The following EXOC4 variants were observed in gnomAD, a reference collection of about 807,000 sequenced individuals.
EXOC4 encodes the protein exocyst complex component 4, also known as SEC8-like 1.
In EXOC4, 71 loss-of-function variants were observed where a neutral mutation model predicts 107.2. That is an observed-to-expected ratio of 0.66 (90% CI 0.55 to 0.81). EXOC4 has a LOEUF of 0.81. Among genes scored for constraint, EXOC4 ranks in the 30% least tolerant of loss-of-function variants. The pLI is 0.00. For synonymous variants in EXOC4, 456 were observed against 441.2 expected, an observed-to-expected ratio of 1.03 and a Z score of -0.42; for missense variants, 1,108 against 1,189.6, an observed-to-expected ratio of 0.93 and a Z score of 1.01.
chr7:133,405,692 A>G (rs915354459), intron 7 of EXOC4, among the ~76,000 whole-genome samples: 1 of 152,188 alleles, frequency 6.6e-6, no homozygotes, highest in Non-Finnish European at 1.5e-5. Context: ...TTTCCTATAC[A>G]TAACTATGAT....
rs12666470 is a variant in EXOC4 at position 133,641,689 on chromosome 7, C to A, written c.1514+11548C>A. 1.1e-3 allele frequency among the ~76,000 whole-genome samples: 173 copies of A among 152,280 alleles called. 3 individuals carry two copies. In the East Asian group the frequency reaches 0.029, roughly 26 times the overall value. On this transcript the variant is annotated intron_variant, in intron 10 of 17. Transcript: ENST00000253861. ...TGAAGGTGCTGGCATCCATCAATAT[C>A]TTTTTTGCATATTCTATTTAGTTTT...
At chr7:133,419,590 T>C (rs182633810) in intron 7 of EXOC4, among the ~76,000 whole-genome samples, 1 of 152,150 alleles carries the variant, frequency 6.6e-6, no homozygotes, top group Admixed American at 6.5e-5. Context: ...TGGGGAGCCA[T>C]GGAGGATATG....
chr7:133,278,931 T>G (rs1050645798), intron 2 of EXOC4, among the ~76,000 whole-genome samples: 5 of 152,090 alleles, frequency 3.3e-5, no homozygotes, highest in Admixed American at 3.3e-4. Context: ...AACTCGTCAT[T>G]TAGCATTAGG....
At chr7:133,635,051 A>T (rs533335998) in intron 10 of EXOC4, among the ~76,000 whole-genome samples, 10 of 152,234 alleles carry the variant, frequency 6.6e-5, no homozygotes, top group East Asian at 5.8e-4. Flanking sequence ...CAGAAGGAAG[A>T]TATGTTAATG....
intron 9 of EXOC4, among the ~76,000 whole-genome samples, chr7:133,488,011 A>G (rs1799303112): frequency 6.6e-6 from 1 of 152,200 alleles, no homozygotes; most frequent in Non-Finnish European, 1.5e-5. Flanking sequence ...TTTATGGCAT[A>G]TGGTAAAGAA....
intron 14 of EXOC4, among the ~76,000 whole-genome samples, chr7:133,975,749 A>G (rs762023654): frequency 1.6e-3 from 25 of 16,016 alleles, no homozygotes; most frequent in Admixed American, 0.014. Context: ...GCGTGTGCAC[A>G]CACACACACA....
intron 7 of EXOC4, among the ~76,000 whole-genome samples, chr7:133,404,094 T>G (rs2150735723): frequency 6.6e-6 from 1 of 152,252 alleles, no homozygotes; most frequent in African/African-American, 2.4e-5. Context: ...AAATCCCTCC[T>G]TAACTTTTTT....
chr7:133,943,040 A>C (rs1445501945), intron 14 of EXOC4, among the ~76,000 whole-genome samples: 2 of 152,196 alleles, frequency 1.3e-5, no homozygotes, highest in African/African-American at 4.8e-5. Flanking sequence ...ATTTAAATTT[A>C]AATTAATTAA....
At chr7:133,467,756 TTTTG>T (rs1554458341) in intron 7 of EXOC4, among the ~76,000 whole-genome samples, 33 of 152,110 alleles carry the variant, frequency 2.2e-4, no homozygotes, top group East Asian at 5.8e-4. Flanking sequence ...CTTCATTTTT[TTTTG>T]TTTGTTTGTT....
intron 17 of EXOC4, among the ~76,000 whole-genome samples, chr7:134,026,481 A>G (rs2116451781): frequency 9.4e-6 from 1 of 106,348 alleles, no homozygotes; most frequent in Admixed American, 1.2e-4. Context: ...CTAGAAGAAC[A>G]TTTTCTAGAG....
At chr7:133,853,566 G>T (rs953767401) in intron 11 of EXOC4, among the ~76,000 whole-genome samples, 12 of 152,048 alleles carry the variant, frequency 7.9e-5, no homozygotes, top group African/African-American at 2.7e-4. Context: ...ATCAGTTTTT[G>T]ACTATCGCCA....
intron 11 of EXOC4, among the ~76,000 whole-genome samples, chr7:133,885,491 G>C (rs1017809510): frequency 1.3e-5 from 2 of 152,154 alleles, no homozygotes; most frequent in Admixed American, 6.5e-5. Context: ...CAATATGCCA[G>C]ATACCTTGCA....
At chr7:133,396,315 C>T (rs1796970551) in intron 7 of EXOC4, 1 of 152,182 alleles carries the variant, frequency 6.6e-6, no homozygotes, top group Non-Finnish European at 1.5e-5. Context: ...TGGGCCAAAC[C>T]TTAAATATCT....
At chr7:134,050,953 TAGG>T (rs1408293544) in intron 17 of EXOC4, among the ~76,000 whole-genome samples, 1 of 152,042 alleles carries the variant, frequency 6.6e-6, no homozygotes, top group Non-Finnish European at 1.5e-5. Context: ...GAGAAGAGTG[TAGG>T]ATCTGTGATA....
chr7:133,288,803 T>G (rs1794338621), intron 2 of EXOC4, 119 bp from the exon 3 acceptor site: 2 of 748,650 alleles, frequency 2.7e-6, no homozygotes, highest in East Asian at 5.2e-5. Context: ...GGAGAATAAG[T>G]GGCAGTGGGA....
intron 9 of EXOC4, among the ~76,000 whole-genome samples, chr7:133,506,630 A>G (rs1163696001): frequency 2.0e-5 from 3 of 152,150 alleles, no homozygotes; most frequent in Non-Finnish European, 2.9e-5. Context: ...CTAAAATTTG[A>G]TAGACTACCA....
chr7:133,902,341 C>T (rs868130342), intron 12 of EXOC4, among the ~76,000 whole-genome samples: 2 of 152,116 alleles, frequency 1.3e-5, no homozygotes, highest in African/African-American at 4.8e-5. Flanking sequence ...ATCTCAATAA[C>T]CATTAACAAA....
At chr7:133,572,710 C>T (rs545366131) in intron 9 of EXOC4, among the ~76,000 whole-genome samples, 95 of 151,866 alleles carry the variant, frequency 6.3e-4, no homozygotes, top group Non-Finnish European at 1.1e-3. Flanking sequence ...ATTGAAGAGC[C>T]GTTGGCATTC....
At chr7:133,426,930 CTCTG>C (rs1253611163) in intron 7 of EXOC4, among the ~76,000 whole-genome samples, 1 of 152,102 alleles carries the variant, frequency 6.6e-6, no homozygotes. Flanking sequence ...GATCCATGGT[CTCTG>C]TCTTTTTCAT....
Sources: allele counts gnomAD v4.1 joint callset (sites outside exome capture counted in the v4.1 genomes callset), GRCh38; gene constraint gnomAD v4.1.1; transcripts MANE v1.5; gene names NCBI Gene and HGNC (gene_info 2026-07-23, HGNC 2026-07-21).